The following TSPAN17 variants were observed in gnomAD, a reference collection of about 807,000 sequenced individuals.
The protein encoded by TSPAN17 is tetraspanin 17.
A neutral mutation model predicts 40.5 loss-of-function variants in TSPAN17; 33 were observed. That is an observed-to-expected ratio of 0.81 (90% CI 0.62 to 1.09). The LOEUF is 1.09. TSPAN17 is among the 50% of genes least tolerant of loss of function. TSPAN17 has a pLI of 0.00. For synonymous variants in TSPAN17, 166 were observed against 169.4 expected (o/e 0.98, Z 0.15); for missense variants, 365 against 416.8 (o/e 0.88, Z 1.08).
At chr5:176,653,670 C>T (rs1761049245) in intron 4 of TSPAN17, 1 of 152,368 alleles carries the variant, frequency 6.6e-6, no homozygotes, top group African/African-American at 2.4e-5. Flanking sequence ...GCGACAGGCC[C>T]TTGGCACCAT....
rs917862751 is a variant in TSPAN17, at chr5:176,650,953, C to T, written c.88-663C>T. 1.3e-5 allele frequency among the ~76,000 whole-genome samples: 2 copies of T among 152,106 alleles called. No individual in the cohort carries two copies. Among genetic ancestry groups the T allele is most frequent in the Non-Finnish European group, 2.9e-5 (2 of 67,984 alleles). ...TGGAGGAGAGGCACTTGGACTGCCCCGGTGGGGAGTCTAGCTGGTGTTCTG... is the reference window on the plus strand; with the variant it reads ...TGGAGGAGAGGCACTTGGACTGCCCTGGTGGGGAGTCTAGCTGGTGTTCTG... On this transcript the variant is annotated intron_variant, in intron 1 of 8. Coordinates refer to ENST00000508164, the MANE Select transcript of TSPAN17 (RefSeq NM_130465.5). The surrounding 1 kb of genome is among the most constrained non-coding windows in gnomAD (Gnocchi z 4.0).
In TSPAN17 at chr5:176,647,512, C is replaced by G. The variant is rs540429770; in HGVS notation, c.-104C>G. The G allele has an allele frequency of 1.2e-6, 1 of 845,518 alleles. No homozygotes were observed. The highest frequency in any genetic ancestry group is 1.8e-5 in the African/African-American group (1 of 54,726). The allele number at this position is 845,518 out of a possible 1,614,324, so 52.4% of individuals were successfully genotyped here. A position where few individuals can be genotyped will look rare whatever the true frequency, so the allele number is the denominator to read the frequency against. On this transcript the variant is annotated 5_prime_UTR_variant, in exon 1 of 9. Coordinates refer to ENST00000508164, the MANE Select transcript of TSPAN17 (RefSeq NM_130465.5). ...CTGTGTGGCCGAGGCCATGAAGCCG[C>G]AGCCGCCCGGCTAGGCCCCGGGCGG...
intron 4 of TSPAN17, chr5:176,653,734 T>G (rs1262178753): frequency 1.3e-5 from 2 of 152,118 alleles, no homozygotes; most frequent in East Asian, 3.9e-4. Context: ...TGGTGCCTGC[T>G]TCAAGCAGCT....
intron 8 of TSPAN17, 177 bp from the exon 9 acceptor site, chr5:176,657,341 C>A: frequency 8.7e-7 from 1 of 1,148,352 alleles, no homozygotes; most frequent in Non-Finnish European, 1.2e-6. Context: ...AGTGCTGGGA[C>A]GCACCTTTCT....
At position 176,654,737 on chromosome 5, in the gene TSPAN17, G is replaced by T; in HGVS notation, c.457-158G>T. 2.3e-6 allele frequency: 2 copies of T among 858,346 alleles called. No homozygotes were observed. The highest frequency in any genetic ancestry group is 3.5e-6 in the Non-Finnish European group (2 of 568,158). 53.2% of individuals were successfully genotyped at this position (858,346 alleles called of 1,614,324 possible). Reference sequence around the variant, plus strand: ...CTCTGCCTCCACCAGCCTGGAGGTTGGGCCCAGGCCTGTGGGGGTGGGGAG... The same window carrying T: ...CTCTGCCTCCACCAGCCTGGAGGTTTGGCCCAGGCCTGTGGGGGTGGGGAG... On this transcript the variant is annotated intron_variant, in intron 4 of 8. Transcript: ENST00000508164. The surrounding 1 kb of genome is among the most constrained non-coding windows in gnomAD (Gnocchi z 4.3).
At position 176,654,247 on chromosome 5, in the gene TSPAN17, C is replaced by T. The variant is rs1285958262; in HGVS notation, c.457-648C>T. 6.5e-6 allele frequency: 1 copy of T among 153,056 alleles called. No individual in the cohort carries two copies. Among genetic ancestry groups the T allele is most frequent in the Non-Finnish European group, 1.5e-5 (1 of 68,362 alleles). The allele number at this position is 153,056 out of a possible 1,614,324, so 9.5% of individuals were successfully genotyped here. ...GTCTGCTGCCGAGCTTGAGCTCCCC[C>T]AGCCCTGTGGGCTGCTCTCCAGCCC... On this transcript the variant is annotated intron_variant, in intron 4 of 8. Coordinates refer to ENST00000508164, the MANE Select transcript of TSPAN17 (RefSeq NM_130465.5). This position sits in a 1 kb window ranked among gnomAD's most constrained non-coding sequence, Gnocchi z 4.3.
Position 176,655,956 on chromosome 5 carries a change from A to G in TSPAN17, c.583-122A>G, listed in dbSNP as rs545427289. 146 of 861,440 alleles carry G rather than the reference A, an allele frequency of 1.7e-4. No individual in the cohort carries two copies. In the African/African-American group the frequency reaches 2.3e-3, roughly 14 times the overall value. The allele number at this position is 861,440 out of a possible 1,614,324, so 53.4% of individuals were successfully genotyped here. A position where few individuals can be genotyped will look rare whatever the true frequency, so the allele number is the denominator to read the frequency against. On this transcript the variant is annotated intron_variant, in intron 5 of 8. Coordinates refer to ENST00000508164, the MANE Select transcript of TSPAN17 (RefSeq NM_130465.5). ...AGAGGCTCACTTAAGACTGGTGGAC[A>G]CGGCAGAATCCACGGGCCCATCTGC... is the stretch of plus-strand genomic sequence containing the variant.
chr5:176,655,065 C>T (rs753907465), intron 5 of TSPAN17, 45 bp downstream of exon 5: 2 of 1,563,658 alleles, frequency 1.3e-6, no homozygotes, highest in East Asian at 2.4e-5. Flanking sequence ...TTCCAGTGCA[C>T]AGACTCTGGA....
chr5:176,648,863 A>C (rs1760850692), intron 1 of TSPAN17, among the ~76,000 whole-genome samples: 1 of 152,226 alleles, frequency 6.6e-6, no homozygotes, highest in Non-Finnish European at 1.5e-5. Context: ...CAGATGGGGA[A>C]ACTGAAGGAA....
Position 176,657,433 on chromosome 5 carries a change from G to C in TSPAN17, c.810-85G>C, listed in dbSNP as rs1237659382. 10 of 1,538,346 alleles carry C rather than the reference G, an allele frequency of 6.5e-6. No individual in the cohort carries two copies. The South Asian group carries it at 1.2e-4, about 19-fold the overall frequency. ...ACTCTTTTCTATGAGCTGTAACTTT[G>C]AGCCTGCCAGGAACCCACCTCAGCC... On this transcript the variant is annotated intron_variant, in intron 8 of 8. Transcript: ENST00000508164.
Position 176,651,555 on chromosome 5 carries a change from A to G in TSPAN17, c.88-61A>G. ...GAAAGGCCCTGGCTACCGGGGAAGGATGAGGGGGGAGGGTCCTGGGGCTGC... is the reference window on the plus strand; with the variant it reads ...GAAAGGCCCTGGCTACCGGGGAAGGGTGAGGGGGGAGGGTCCTGGGGCTGC... On this transcript the variant is annotated intron_variant, in intron 1 of 8. Coordinates refer to ENST00000508164, the MANE Select transcript of TSPAN17 (RefSeq NM_130465.5). The surrounding 1 kb of genome is among the most constrained non-coding windows in gnomAD (Gnocchi z 4.5). 6.5e-7 allele frequency: 1 copy of G among 1,545,344 alleles called. No homozygotes were observed. The highest frequency in any genetic ancestry group is 8.7e-7 in the Non-Finnish European group (1 of 1,142,926).
chr5:176,652,882 T>A lies in TSPAN17; in HGVS notation c.425T>A (p.Leu142His), dbSNP rs1219315818. Residue 142 changes from leucine (L) to histidine (H), a missense_variant, in exon 4 of 9, where the codon CTC becomes CAC. Physicochemically the swap from Leu to His is moderately conservative, Grantham distance 99 (BLOSUM62 -3). Coordinates refer to ENST00000508164, the MANE Select transcript of TSPAN17 (RefSeq NM_130465.5). Reference sequence around the variant, plus strand: ...AAGGCCTACCGGGACGACATTGACCTCCAGAACCTCATTGACTTTGCTCAG... The same window carrying A: ...AAGGCCTACCGGGACGACATTGACCACCAGAACCTCATTGACTTTGCTCAG... ...NVKAYRDDIDLQNLIDFAQEY... is the reference protein window; with the variant it reads ...NVKAYRDDIDHQNLIDFAQEY... The A allele has an allele frequency of 6.2e-7, 1 of 1,614,180 alleles. No homozygotes were observed. Among genetic ancestry groups the A allele is most frequent in the South Asian group, 1.1e-5 (1 of 91,086 alleles).
intron 1 of TSPAN17, among the ~76,000 whole-genome samples, chr5:176,649,793 T>C (rs902768720): frequency 1.3e-5 from 2 of 152,220 alleles, no homozygotes; most frequent in Non-Finnish European, 2.9e-5. Context: ...GGGGCCGGGC[T>C]GTCCGCCCTT....
At chr5:176,649,877 GC>G (rs1437254853) in intron 1 of TSPAN17, among the ~76,000 whole-genome samples, 5 of 152,200 alleles carry the variant, frequency 3.3e-5, no homozygotes, top group African/African-American at 9.6e-5. Context: ...CCTGGAACAG[GC>G]TTTTCCCTCT....
In TSPAN17 at chr5:176,651,893, T is replaced by C. The variant is rs1760981115; in HGVS notation, c.278T>C (p.Leu93Pro). Residue 93 changes from leucine to proline, a missense_variant, in exon 3 of 9, where the codon CTC (leucine) becomes CCC (proline). Coordinates refer to ENST00000508164, the MANE Select transcript of TSPAN17 (RefSeq NM_130465.5). This position sits in a 1 kb window ranked among gnomAD's most constrained non-coding sequence, Gnocchi z 4.5. The part of the protein sequence containing the change: ...IGALRENTFL[L>P]KFFSVFLGLI... ...GCCCTCCGGGAGAACACCTTCCTGC[T>C]CAAGTTTGTGAGTGCTGCCCTCAAG... is the stretch of plus-strand genomic sequence containing the variant. 1 of 1,613,846 alleles carries C rather than the reference T, an allele frequency of 6.2e-7. No individual in the cohort carries two copies. Among genetic ancestry groups the C allele is most frequent in the South Asian group, 1.1e-5 (1 of 91,080 alleles).
At chr5:176,653,947 G>A (rs1390760380) in intron 4 of TSPAN17, 3 of 152,250 alleles carry the variant, frequency 2.0e-5, no homozygotes, top group Admixed American at 6.5e-5. Flanking sequence ...ACAAACAAAT[G>A]TGTGCATGTA....
In TSPAN17 at chr5:176,647,527, G is replaced by A. The variant is rs1411387060; in HGVS notation, c.-89G>A. ...CATGAAGCCGCAGCCGCCCGGCTAGGCCCCGGGCGGCTCTAGCCCAGGGCG... is the reference window on the plus strand; with the variant it reads ...CATGAAGCCGCAGCCGCCCGGCTAGACCCCGGGCGGCTCTAGCCCAGGGCG... On this transcript the variant is annotated 5_prime_UTR_variant, in exon 1 of 9. Coordinates refer to ENST00000508164, the MANE Select transcript of TSPAN17 (RefSeq NM_130465.5). The A allele has an allele frequency of 1.9e-6, 2 of 1,046,492 alleles. No individual in the cohort carries two copies. The highest frequency in any genetic ancestry group is 1.3e-6 in the Non-Finnish European group (1 of 782,570). The allele number at this position is 1,046,492 out of a possible 1,614,324, so 64.8% of individuals were successfully genotyped here. A position where few individuals can be genotyped will look rare whatever the true frequency, so the allele number is the denominator to read the frequency against.
In TSPAN17 at chr5:176,657,758, G is replaced by A. The variant is rs942226284; in HGVS notation, c.*60G>A. 54 of 1,521,426 alleles carry A rather than the reference G, an allele frequency of 3.5e-5. No homozygotes were observed. The highest frequency in any genetic ancestry group is 5.3e-5 in the South Asian group (4 of 74,984). 94.2% of individuals were successfully genotyped at this position (1,521,426 alleles called of 1,614,324 possible). A position where few individuals can be genotyped will look rare whatever the true frequency, so the allele number is the denominator to read the frequency against. On this transcript the variant is annotated 3_prime_UTR_variant, in exon 9 of 9. Transcript: ENST00000508164. ...TGAAGAATGACCACCTGGCTACGCC[G>A]GCTCTTCGGTGGCAACACTACCTGG...
At position 176,657,560 on chromosome 5, in the gene TSPAN17, C is replaced by T. The variant is rs751645362; in HGVS notation, c.852C>T (p.Pro284=). 2.4e-5 allele frequency: 39 copies of T among 1,612,272 alleles called. No homozygotes were observed. Among genetic ancestry groups the T allele is most frequent in the Non-Finnish European group, 3.2e-5 (38 of 1,179,012 alleles). ...ACTTTGAAAACCACTGGCTTACGCCCACCATTTCCGAGGTCCTGTCCACGG... is the reference window on the plus strand; with the variant it reads ...ACTTTGAAAACCACTGGCTTACGCCTACCATTTCCGAGGTCCTGTCCACGG... ...NDDFENHWLT[P]TISEVLSTAG... Residue 284 remains proline (P), a synonymous_variant, in exon 9 of 9, where the codon CCC becomes CCT. Coordinates refer to ENST00000508164, the MANE Select transcript of TSPAN17 (RefSeq NM_130465.5).
Sources: allele counts gnomAD v4.1 joint callset (sites outside exome capture counted in the v4.1 genomes callset), GRCh38; gene constraint gnomAD v4.1.1; non-coding constraint Gnocchi (gnomAD v3.1); transcripts MANE v1.5; gene names NCBI Gene and HGNC (gene_info 2026-07-23, HGNC 2026-07-21).